Variants in SCAND3 observed in about 807,000 individuals in gnomAD.
SCAND3 encodes SCAN domain-containing protein 3.
At chr6:28,571,327 T>TA in the SCAND3 span, 1 of 152,326 alleles carries the variant, frequency 6.6e-6, no homozygotes, top group Non-Finnish European at 1.5e-5. Flanking sequence ...AATAAATAAG[T>TA]AAATAAATTT....
At chr6:28,609,138 A>C in the SCAND3 span, among the ~76,000 whole-genome samples, 1 of 152,218 alleles carries the variant, frequency 6.6e-6, no homozygotes, top group Non-Finnish European at 1.5e-5. Context: ...ACTACTTAAC[A>C]TTGTAATGGA....
the SCAND3 span, chr6:28,572,159 CT>C: frequency 6.2e-7 from 1 of 1,614,054 alleles, no homozygotes; most frequent in Non-Finnish European, 8.5e-7. This position sits in a 1 kb window ranked among gnomAD's most constrained non-coding sequence, Gnocchi z 4.1. Flanking sequence ...GGAAGTGATG[CT>C]GTATTTTCAA....
At chr6:28,605,408 CA>C in the SCAND3 span, among the ~76,000 whole-genome samples, 2 of 151,828 alleles carry the variant, frequency 1.3e-5, no homozygotes, top group African/African-American at 2.4e-5. Context: ...AAAGCAAGAA[CA>C]AAAAAGTACA....
At chr6:28,577,533 T>C in the SCAND3 span, among the ~76,000 whole-genome samples, 7 of 152,134 alleles carry the variant, frequency 4.6e-5, no homozygotes, top group African/African-American at 1.4e-4. Context: ...AACAAGAAGG[T>C]AATACCTTAA....
the SCAND3 span, among the ~76,000 whole-genome samples, chr6:28,613,720 C>A: frequency 6.6e-6 from 1 of 152,118 alleles, no homozygotes; most frequent in Non-Finnish European, 1.5e-5. Flanking sequence ...CACTGGCAAC[C>A]TCTAACATCT....
the SCAND3 span, chr6:28,572,128 T>G: frequency 6.2e-7 from 1 of 1,613,954 alleles, no homozygotes; most frequent in African/African-American, 1.3e-5. This position sits in a 1 kb window ranked among gnomAD's most constrained non-coding sequence, Gnocchi z 4.1. Flanking sequence ...ATAGTCATTT[T>G]TAGCTTTTAT....
chr6:28,601,483 T>A, the SCAND3 span, among the ~76,000 whole-genome samples: 1 of 152,202 alleles, frequency 6.6e-6, no homozygotes, highest in Non-Finnish European at 1.5e-5. Flanking sequence ...GTCAACTACC[T>A]GTTTTTGTCA....
At chr6:28,575,714 G>A in the SCAND3 span, 1 of 1,614,054 alleles carries the variant, frequency 6.2e-7, no homozygotes. The surrounding 1 kb of genome is among the most constrained non-coding windows in gnomAD (Gnocchi z 4.2). Context: ...TATTTCGCTT[G>A]TAACTCTTTC....
chr6:28,607,525 T>TTC, the SCAND3 span, among the ~76,000 whole-genome samples: 2 of 151,706 alleles, frequency 1.3e-5, no homozygotes, highest in Non-Finnish European at 2.9e-5. Context: ...CACTGTTTTT[T>TTC]TTTTCTTTTC....
chr6:28,591,500 C>G, the SCAND3 span: 1 of 152,164 alleles, frequency 6.6e-6, no homozygotes, highest in Admixed American at 6.5e-5. Context: ...TCCAGTTGAG[C>G]CTAGTTTTAG....
the SCAND3 span, among the ~76,000 whole-genome samples, chr6:28,583,764 C>G: frequency 6.6e-6 from 1 of 152,206 alleles, no homozygotes; most frequent in Non-Finnish European, 1.5e-5. Flanking sequence ...AAGTGAAAAG[C>G]TCTTGGGAGG....
At chr6:28,609,422 A>G in the SCAND3 span, among the ~76,000 whole-genome samples, 1 of 152,350 alleles carries the variant, frequency 6.6e-6, no homozygotes, top group East Asian at 1.9e-4. Context: ...ACATGAAGGA[A>G]AAGAATCAAG....
the SCAND3 span, among the ~76,000 whole-genome samples, chr6:28,608,342 C>T: frequency 1.3e-5 from 2 of 152,156 alleles, no homozygotes; most frequent in Non-Finnish European, 2.9e-5. Context: ...CTCCATTTTG[C>T]AACTGACCCC....
chr6:28,584,798 AC>A, the SCAND3 span, among the ~76,000 whole-genome samples: 3 of 152,198 alleles, frequency 2.0e-5, no homozygotes, highest in African/African-American at 7.2e-5. Context: ...ATCTGCACTT[AC>A]AGCCTCGTCT....
chr6:28,604,641 A>G, the SCAND3 span, among the ~76,000 whole-genome samples: 1 of 151,664 alleles, frequency 6.6e-6, no homozygotes, highest in Non-Finnish European at 1.5e-5. Flanking sequence ...AAATTTAACT[A>G]TTACATATTT....
At chr6:28,581,520 G>A in the SCAND3 span, among the ~76,000 whole-genome samples, 1 of 152,212 alleles carries the variant, frequency 6.6e-6, no homozygotes, top group South Asian at 2.1e-4. Flanking sequence ...GTAGTTGCTG[G>A]CACCAACTCA....
At chr6:28,607,180 G>A in the SCAND3 span, among the ~76,000 whole-genome samples, 1 of 152,058 alleles carries the variant, frequency 6.6e-6, no homozygotes, top group East Asian at 1.9e-4. Flanking sequence ...GTGGTAGAGC[G>A]CGTGCTTAGC....
chr6:28,605,056 C>CT, the SCAND3 span, among the ~76,000 whole-genome samples: 1 of 152,318 alleles, frequency 6.6e-6, no homozygotes, highest in Non-Finnish European at 1.5e-5. Context: ...TCCTCCAACT[C>CT]TCTGCTTTTC....
At chr6:28,584,733 C>T in the SCAND3 span, among the ~76,000 whole-genome samples, 1 of 152,158 alleles carries the variant, frequency 6.6e-6, no homozygotes, top group Non-Finnish European at 1.5e-5. Flanking sequence ...CAGGGGATGG[C>T]CTTCCTTATC....
Sources: allele counts gnomAD v4.1 joint callset (sites outside exome capture counted in the v4.1 genomes callset), GRCh38; gene constraint gnomAD v4.1.1; non-coding constraint Gnocchi (gnomAD v3.1); transcripts MANE v1.5; gene names NCBI Gene and HGNC (gene_info 2026-07-23, HGNC 2026-07-21).